The following TSPAN9 variants were observed in gnomAD, a reference collection of about 807,000 sequenced individuals.
The protein encoded by TSPAN9 is tetraspanin-9.
In TSPAN9, 16 loss-of-function variants were observed where a neutral mutation model predicts 31.0. The ratio of observed to expected loss-of-function variants is 0.52; its 90% confidence interval spans 0.35 to 0.78. TSPAN9 has a LOEUF of 0.78. Ranked by LOEUF, TSPAN9 falls within the 30% of genes least tolerant of loss-of-function variation. The pLI is 0.01. For synonymous variants in TSPAN9, 145 were observed against 121.6 expected, an observed-to-expected ratio of 1.19 and a Z score of -1.27; for missense variants, 272 against 312.5, an observed-to-expected ratio of 0.87 and a Z score of 0.98.
At chr12:3,136,560 C>T (rs71458043) in intron 2 of TSPAN9, among the ~76,000 whole-genome samples, 10,553 of 152,142 alleles carry the variant, frequency 0.069, 580 homozygotes, top group Non-Finnish European at 0.097. Context: ...GATTCTGAGT[C>T]GGGGTGGCTC....
At position 3,281,223 on chromosome 12, in the gene TSPAN9, A is replaced by G; in HGVS notation, c.458A>G (p.Tyr153Cys). Residue 153 changes from tyrosine to cysteine, a missense_variant, in exon 7 of 9, where the codon TAC becomes TGC. Transcript: ENST00000011898. ...AEMRCCGVTD[Y>C]TDWYPVLGEN... ...ATGCGATGCTGTGGTGTCACTGACT[A>G]CACAGACTGGTACCCAGTGCTGGGG... 5.8e-6 allele frequency: 9 copies of G among 1,551,234 alleles called. No homozygotes were observed. The highest frequency in any genetic ancestry group is 7.8e-6 in the Non-Finnish European group (9 of 1,146,968).
intron 3 of TSPAN9, among the ~76,000 whole-genome samples, chr12:3,248,477 C>T (rs1312556684): frequency 6.6e-6 from 1 of 152,180 alleles, no homozygotes; most frequent in Non-Finnish European, 1.5e-5. Flanking sequence ...CCTGCCCTCT[C>T]TTGTTCTTCT....
At chr12:3,200,412 G>T (rs2098370772) in intron 2 of TSPAN9, 1 of 152,184 alleles carries the variant, frequency 6.6e-6, no homozygotes. Flanking sequence ...CCGCGCGCCG[G>T]GGCAGCCCAG....
intron 2 of TSPAN9, among the ~76,000 whole-genome samples, chr12:3,106,179 G>C (rs57828768): frequency 1.3e-5 from 2 of 152,222 alleles, no homozygotes; most frequent in African/African-American, 4.8e-5. Flanking sequence ...ACCCACCTAT[G>C]CCCACAGGGA....
intron 2 of TSPAN9, among the ~76,000 whole-genome samples, chr12:3,193,703 T>C (rs1591669625): frequency 6.6e-6 from 1 of 152,234 alleles, no homozygotes; most frequent in East Asian, 1.9e-4. Flanking sequence ...CTGTGCTCCG[T>C]GGAGCCCCTC....
intron 2 of TSPAN9, among the ~76,000 whole-genome samples, chr12:3,153,782 A>T (rs556768247): frequency 6.6e-6 from 1 of 150,894 alleles, no homozygotes. Context: ...TGCAGCTCAC[A>T]ATTTTAACTT....
At chr12:3,279,958 C>T (rs1862863829) in intron 5 of TSPAN9, among the ~76,000 whole-genome samples, 1 of 151,964 alleles carries the variant, frequency 6.6e-6, no homozygotes, top group Non-Finnish European at 1.5e-5. Flanking sequence ...GACCTGTCTT[C>T]CTCCCTCTAG....
At chr12:3,264,776 T>C (rs740768) in intron 3 of TSPAN9, among the ~76,000 whole-genome samples, 65,973 of 152,200 alleles carry the variant, frequency 0.43, 16,806 homozygotes, top group South Asian at 0.63. Flanking sequence ...TTTATTTTCA[T>C]GAACCTCATT....
At chr12:3,231,779 G>A (rs529354215) in intron 3 of TSPAN9, among the ~76,000 whole-genome samples, 72 of 152,342 alleles carry the variant, frequency 4.7e-4, no homozygotes, top group African/African-American at 1.7e-3. Flanking sequence ...TTCACTTTGG[G>A]GGCTGTCTGG....
chr12:3,169,523 A>G (rs568492539), intron 2 of TSPAN9, among the ~76,000 whole-genome samples: 2 of 152,232 alleles, frequency 1.3e-5, no homozygotes, highest in Non-Finnish European at 2.9e-5. Context: ...GAGTGGCCAT[A>G]AGGACCACAT....
chr12:3,150,264 G>T (rs148773540), intron 2 of TSPAN9, among the ~76,000 whole-genome samples: 181 of 152,332 alleles, frequency 1.2e-3, no homozygotes, highest in African/African-American at 4.3e-3. Flanking sequence ...TATTTGAACA[G>T]AATAGGGCAC....
intron 2 of TSPAN9, among the ~76,000 whole-genome samples, chr12:3,152,535 T>C (rs1312166137): frequency 1.3e-5 from 2 of 152,190 alleles, no homozygotes; most frequent in African/African-American, 4.8e-5. Context: ...TGGGGGAGAA[T>C]GCTGGACTGG....
intron 3 of TSPAN9, among the ~76,000 whole-genome samples, chr12:3,215,728 C>G (rs1399909254): frequency 2.0e-5 from 3 of 152,170 alleles, no homozygotes; most frequent in Admixed American, 2.0e-4. Flanking sequence ...TGGGAGGGGC[C>G]CCTCATTTCC....
chr12:3,233,125 T>C (rs888215709), intron 3 of TSPAN9, among the ~76,000 whole-genome samples: 4 of 152,130 alleles, frequency 2.6e-5, no homozygotes, highest in Non-Finnish European at 5.9e-5. Context: ...TCAAACCGAT[T>C]TTTTCCCTCC....
intron 2 of TSPAN9, among the ~76,000 whole-genome samples, chr12:3,100,718 G>T (rs781129994): frequency 4.6e-5 from 7 of 152,034 alleles, no homozygotes; most frequent in Non-Finnish European, 1.0e-4. Flanking sequence ...CACTGGGGTG[G>T]GTGCCTCTAG....
chr12:3,257,328 C>T (rs1862365621), intron 3 of TSPAN9, among the ~76,000 whole-genome samples: 1 of 152,010 alleles, frequency 6.6e-6, no homozygotes, highest in South Asian at 2.1e-4. Flanking sequence ...TTTTCTCTTC[C>T]AGGTCCTACC....
intron 2 of TSPAN9, among the ~76,000 whole-genome samples, chr12:3,111,067 G>A (rs1361621481): frequency 6.6e-6 from 1 of 152,202 alleles, no homozygotes; most frequent in African/African-American, 2.4e-5. Context: ...TGCATCGAAG[G>A]TTTCATCCAG....
chr12:3,206,704 T>A (rs543315950), intron 3 of TSPAN9, among the ~76,000 whole-genome samples: 6 of 152,288 alleles, frequency 3.9e-5, no homozygotes, highest in African/African-American at 1.4e-4. Flanking sequence ...GCACCTGCCG[T>A]AAGCCGGGAC....
intron 3 of TSPAN9, among the ~76,000 whole-genome samples, chr12:3,248,592 C>T (rs1862183311): frequency 6.7e-6 from 1 of 148,906 alleles, no homozygotes; most frequent in Non-Finnish European, 1.5e-5. Flanking sequence ...TTTTTACGTC[C>T]ATTACACTCA....
Sources: allele counts gnomAD v4.1 joint callset (sites outside exome capture counted in the v4.1 genomes callset), GRCh38; gene constraint gnomAD v4.1.1; transcripts MANE v1.5; gene names NCBI Gene and HGNC (gene_info 2026-07-23, HGNC 2026-07-21).